Variants in ATXN10 observed in about 807,000 individuals in gnomAD.
ATXN10 encodes the protein ataxin 10, also known as ataxin-10.
ATXN10 carries 28 observed loss-of-function variants against 52.9 expected under a neutral mutation model. The ratio of observed to expected loss-of-function variants is 0.53; its 90% CI spans 0.39 to 0.73. ATXN10 has a LOEUF of 0.73. ATXN10 is among the 30% of genes least tolerant of loss of function. ATXN10 has a pLI of 0.00. For synonymous variants in ATXN10, 226 were observed against 221.5 expected (o/e 1.02, Z -0.18); for missense variants, 565 against 577.0 (o/e 0.98, Z 0.21).
intron 10 of ATXN10, among the ~76,000 whole-genome samples, chr22:45,817,017 T>C (rs930046845): frequency 3.9e-5 from 6 of 152,190 alleles, no homozygotes; most frequent in Admixed American, 2.6e-4. Context: ...TTGTAAAAGA[T>C]AGCAATGAAT....
chr22:45,805,015 C>T lies in ATXN10; in HGVS notation c.1174-1944C>T, dbSNP rs998325146. Among the ~76,000 whole-genome samples, 4 of 152,212 alleles carry T rather than the reference C, an allele frequency of 2.6e-5. No individual in the cohort carries two copies. The highest frequency in any genetic ancestry group is 5.9e-5 in the Non-Finnish European group (4 of 68,024). On this transcript the variant is annotated intron_variant, in intron 9 of 11. Coordinates refer to ENST00000252934, the MANE Select transcript of ATXN10 (RefSeq NM_013236.4). The surrounding 1 kb of genome is among the most constrained non-coding windows in gnomAD (Gnocchi z 4.4). Reference sequence around the variant, plus strand: ...ATCAGCAATCTTCTCCACTCACATTCACAGCCATATAGCAGTCTACTGTGT... The same window carrying T: ...ATCAGCAATCTTCTCCACTCACATTTACAGCCATATAGCAGTCTACTGTGT...
chr22:45,683,690 G>A lies in ATXN10; in HGVS notation c.117-6022G>A, dbSNP rs549787852. Among the ~76,000 whole-genome samples the A allele has an allele frequency of 1.1e-4, 17 of 152,274 alleles. No individual in the cohort carries two copies. In the South Asian group the frequency reaches 1.7e-3, roughly 15 times the overall value. ...AAAGCCTTGCAATTTTGTCTTCCATGTAATTCCTAAATCCACCTGGAGTTA... is the reference window on the plus strand; with the variant it reads ...AAAGCCTTGCAATTTTGTCTTCCATATAATTCCTAAATCCACCTGGAGTTA... On this transcript the variant is annotated intron_variant, in intron 1 of 11. Transcript: ENST00000252934. This position sits in a 1 kb window ranked among gnomAD's most constrained non-coding sequence, Gnocchi z 4.8.
At chr22:45,794,233 A>G (rs1182870709) in intron 9 of ATXN10, among the ~76,000 whole-genome samples, 4 of 152,062 alleles carry the variant, frequency 2.6e-5, no homozygotes, top group African/African-American at 7.2e-5. Flanking sequence ...CCTGCCTCCT[A>G]CCTCTCCAGG....
Position 45,715,921 on chromosome 22 carries a change from G to A in ATXN10, c.648-2492G>A, listed in dbSNP as rs1924427405. On this transcript the variant is annotated intron_variant, in intron 5 of 11. Transcript: ENST00000252934. The surrounding 1 kb of genome is among the most constrained non-coding windows in gnomAD (Gnocchi z 4.4). The stretch of plus-strand genomic sequence containing the variant: ...TGATTTGTCAAAAAAGAAATCACAG[G>A]CAAATTAGAAAATATTTTGACCTGA... Among the ~76,000 whole-genome samples the A allele has an allele frequency of 6.6e-6, 1 of 152,078 alleles. No individual in the cohort carries two copies. Among genetic ancestry groups the A allele is most frequent in the Admixed American group, 6.6e-5 (1 of 15,254 alleles).
At position 45,693,051 on chromosome 22, in the gene ATXN10, C is replaced by T. The variant is rs1278028843; in HGVS notation, c.364C>T (p.Arg122Ter). ...VDLILLFRELRVEQESLLTAF... is the reference protein window; with the variant it reads ...VDLILLFREL Reference sequence around the variant, plus strand: ...TTTGATTCTTCTGTTTCGTGAACTGCGAGTGGAACAGGAATCTCTGTTGAC... The same window carrying T: ...TTTGATTCTTCTGTTTCGTGAACTGTGAGTGGAACAGGAATCTCTGTTGAC... The change falls in exon 3 of 12, where the codon CGA (arginine) becomes TGA (stop). Residue 122 changes from arginine (R) to a stop codon, truncating the protein, a stop_gained. Coordinates refer to ENST00000252934, the MANE Select transcript of ATXN10 (RefSeq NM_013236.4). LOFTEE classifies it high-confidence loss of function. 5.6e-6 allele frequency: 9 copies of T among 1,613,736 alleles called. No homozygotes were observed. Among genetic ancestry groups the T allele is most frequent in the South Asian group, 4.4e-5 (4 of 91,084 alleles).
intron 1 of ATXN10, 139 bp downstream of exon 1, chr22:45,672,318 C>G: frequency 1.0e-6 from 1 of 953,612 alleles, no homozygotes; most frequent in Non-Finnish European, 1.3e-6. Context: ...TGCCTGAGCG[C>G]CACCCAGGCC....
chr22:45,688,919 A>T lies in ATXN10; in HGVS notation c.117-793A>T, dbSNP rs955388466. Among the ~76,000 whole-genome samples, 4 of 152,194 alleles carry T rather than the reference A, an allele frequency of 2.6e-5. No homozygotes were observed. Among genetic ancestry groups the T allele is most frequent in the Non-Finnish European group, 5.9e-5 (4 of 68,038 alleles). On this transcript the variant is annotated intron_variant, in intron 1 of 11. Coordinates refer to ENST00000252934, the MANE Select transcript of ATXN10 (RefSeq NM_013236.4). This position sits in a 1 kb window ranked among gnomAD's most constrained non-coding sequence, Gnocchi z 4.0. The stretch of plus-strand genomic sequence containing the variant: ...ATTTAGGTGCAATGTTGCACAAAAA[A>T]TTCTTATCTTTAGAGCTCTGGAATG...
chr22:45,753,533 G>A (rs1926068185), intron 9 of ATXN10, among the ~76,000 whole-genome samples: 1 of 151,212 alleles, frequency 6.6e-6, no homozygotes, highest in South Asian at 2.1e-4. Context: ...CGCCTTCCTA[G>A]TAGCTGGGAT....
intron 3 of ATXN10, among the ~76,000 whole-genome samples, chr22:45,694,969 A>AC (rs1569025862): frequency 3.7e-4 from 56 of 150,240 alleles, no homozygotes; most frequent in African/African-American, 1.3e-3. Flanking sequence ...AAAAAAAACA[A>AC]AACCCCAGAA....
At chr22:45,741,500 T>C (rs1056700004) in intron 9 of ATXN10, among the ~76,000 whole-genome samples, 2 of 151,920 alleles carry the variant, frequency 1.3e-5, no homozygotes, top group East Asian at 3.9e-4. Context: ...TAAGATACAA[T>C]GAGGAGAGAG....
intron 5 of ATXN10, among the ~76,000 whole-genome samples, chr22:45,716,012 C>G (rs1190416545): frequency 6.6e-6 from 1 of 152,118 alleles, no homozygotes; most frequent in Non-Finnish European, 1.5e-5. Context: ...GTAATCCCAG[C>G]ACTTTGGGAG....
In ATXN10 at chr22:45,708,547, A is replaced by G. The variant is rs1476484521; in HGVS notation, c.647+5700A>G. Reference sequence around the variant, plus strand: ...GGCCTATCCCATTTTTATTAATACCATGTCATGTGTTATGAAAATTACCGA... The same window carrying G: ...GGCCTATCCCATTTTTATTAATACCGTGTCATGTGTTATGAAAATTACCGA... On this transcript the variant is annotated intron_variant, in intron 5 of 11. Transcript: ENST00000252934. The surrounding 1 kb of genome is among the most constrained non-coding windows in gnomAD (Gnocchi z 5.3). Among the ~76,000 whole-genome samples the G allele has an allele frequency of 6.6e-6, 1 of 152,126 alleles. No individual in the cohort carries two copies. Among genetic ancestry groups the G allele is most frequent in the Non-Finnish European group, 1.5e-5 (1 of 68,020 alleles).
In ATXN10 at chr22:45,837,845, A is replaced by G. The variant is rs998755290; in HGVS notation, c.1238-5146A>G. Among the ~76,000 whole-genome samples, 1 of 152,218 alleles carries G rather than the reference A, an allele frequency of 6.6e-6. No individual in the cohort carries two copies. Among genetic ancestry groups the G allele is most frequent in the Non-Finnish European group, 1.5e-5 (1 of 68,036 alleles). On this transcript the variant is annotated intron_variant, in intron 10 of 11. Coordinates refer to ENST00000252934, the MANE Select transcript of ATXN10 (RefSeq NM_013236.4). This position sits in a 1 kb window ranked among gnomAD's most constrained non-coding sequence, Gnocchi z 5.8. ...TCAGTATTCTTTAGATTTTTTTCCA[A>G]TCATCTAAATATATTAAAACTGTTT...
At chr22:45,839,446 A>AC (rs1215128834) in intron 10 of ATXN10, among the ~76,000 whole-genome samples, 1 of 152,048 alleles carries the variant, frequency 6.6e-6, no homozygotes, top group Non-Finnish European at 1.5e-5. Context: ...AGGACCCATC[A>AC]CCCCAGCTGC....
Position 45,844,106 on chromosome 22 carries a change from A to G in ATXN10, c.*435A>G, listed in dbSNP as rs1200057889. 1 of 186,502 alleles carries G rather than the reference A, an allele frequency of 5.4e-6. No individual in the cohort carries two copies. The allele number at this position is 186,502 out of a possible 1,614,324, so 11.6% of individuals were successfully genotyped here. On this transcript the variant is annotated 3_prime_UTR_variant, in exon 12 of 12. Transcript: ENST00000252934. ...TGGCAGGCGGTTGAAGTAGTTTCTC[A>G]CTGTGATTAATTCTAGCAATCTCTT...
At chr22:45,752,787 G>A (rs1569050099) in intron 9 of ATXN10, among the ~76,000 whole-genome samples, 3 of 151,396 alleles carry the variant, frequency 2.0e-5, no homozygotes, top group Admixed American at 6.6e-5. Flanking sequence ...TGCCAAGGCT[G>A]GAGTGCAATG....
rs1259544805 is a variant in ATXN10 at position 45,677,441 on chromosome 22, A to G, written c.116+5262A>G. 8 of 151,540 alleles carry G rather than the reference A, an allele frequency of 5.3e-5. No individual in the cohort carries two copies. Among genetic ancestry groups the G allele is most frequent in the Middle Eastern group, 6.8e-3 (2 of 294 alleles). The allele number at this position is 151,540 out of a possible 1,614,324, so 9.4% of individuals were successfully genotyped here. A position where few individuals can be genotyped will look rare whatever the true frequency, so the allele number is the denominator to read the frequency against. ...CAGTATAGCTCATTTTTTCTCTTCA[A>G]TCTGCTTAGACAAAATGAGGTTTTC... On this transcript the variant is annotated intron_variant, in intron 1 of 11. Transcript: ENST00000252934. The surrounding 1 kb of genome is among the most constrained non-coding windows in gnomAD (Gnocchi z 4.1).
intron 9 of ATXN10, among the ~76,000 whole-genome samples, chr22:45,777,115 A>G (rs1258660023): frequency 6.6e-6 from 1 of 152,184 alleles, no homozygotes. Context: ...TTCCTGTTCA[A>G]ACTTTGCCAT....
In ATXN10 at chr22:45,819,287, T is replaced by G. The variant is rs1018578211; in HGVS notation, c.1237+12265T>G. Among the ~76,000 whole-genome samples, 1 of 152,142 alleles carries G rather than the reference T, an allele frequency of 6.6e-6. No individual in the cohort carries two copies. The highest frequency in any genetic ancestry group is 6.5e-5 in the Admixed American group (1 of 15,278). ...ATTCTTAACTTTGTATTTTAGAAAT[T>G]TTGTATCTGATGTATAAGATCAGAT... is the stretch of plus-strand genomic sequence containing the variant. On this transcript the variant is annotated intron_variant, in intron 10 of 11. Coordinates refer to ENST00000252934, the MANE Select transcript of ATXN10 (RefSeq NM_013236.4). This position sits in a 1 kb window ranked among gnomAD's most constrained non-coding sequence, Gnocchi z 4.5.
Sources: gnomAD v4.1 joint callset for allele counts (sites outside exome capture counted in the v4.1 genomes callset) on GRCh38, gnomAD v4.1.1 for gene constraint, Gnocchi (gnomAD v3.1) non-coding constraint, MANE v1.5 for transcripts, NCBI Gene and HGNC (gene_info 2026-07-23, HGNC 2026-07-21) for gene names.